The following ITGA6 variants were observed in gnomAD, a reference collection of about 807,000 sequenced individuals.
ITGA6 encodes integrin alpha-6.
A neutral mutation model predicts 133.6 loss-of-function variants in ITGA6; 63 were observed. That is an observed-to-expected ratio of 0.47 (90% CI 0.38 to 0.58). The LOEUF (loss-of-function observed/expected upper bound fraction) is 0.58. Ranked by LOEUF, ITGA6 falls within the 20% of genes least tolerant of loss-of-function variation. The probability of loss-of-function intolerance (pLI) is 0.00; values close to 1 mark genes in which losing one functional copy is unlikely to be tolerated. For synonymous variants in ITGA6, 434 were observed against 482.0 expected (o/e 0.90, Z 1.30); for missense variants, 1,068 against 1,309.4 (o/e 0.82, Z 2.85).
At chr2:172,443,916 T>A (rs147431131) in intron 1 of ITGA6, among the ~76,000 whole-genome samples, 93 of 152,200 alleles carry the variant, frequency 6.1e-4, no homozygotes, top group Middle Eastern at 6.8e-3. Context: ...CTGGGACTAC[T>A]GGCATGCACT....
At chr2:172,484,461 T>C (rs1686580524) in intron 11 of ITGA6, among the ~76,000 whole-genome samples, 1 of 152,232 alleles carries the variant, frequency 6.6e-6, no homozygotes, top group Non-Finnish European at 1.5e-5. Flanking sequence ...TGCTTATCGT[T>C]AGTATTCTGT....
intron 1 of ITGA6, among the ~76,000 whole-genome samples, chr2:172,443,175 C>G (rs1176189019): frequency 6.6e-6 from 1 of 152,082 alleles, no homozygotes; most frequent in African/African-American, 2.4e-5. Context: ...TTTTTTTACC[C>G]ATTTGCCATG....
At chr2:172,472,929 TGTG>T in intron 5 of ITGA6, 1 of 1,338,732 alleles carries the variant, frequency 7.5e-7, no homozygotes, top group Non-Finnish European at 1.1e-6. Flanking sequence ...TTGTCTTGGT[TGTG>T]GTCATTAAAT....
rs774970852 is a variant in ITGA6 at position 172,471,047 on chromosome 2, T to C, written c.717T>C (p.Val239=). The C allele has an allele frequency of 1.2e-6, 2 of 1,614,196 alleles. No homozygotes were observed. The highest frequency in any genetic ancestry group is 2.2e-5 in the East Asian group (1 of 44,892). The change falls in exon 5 of 26, where the codon GTT becomes GTC. Residue 239 remains valine (V), a synonymous_variant. Coordinates refer to ENST00000684293, the MANE Select transcript of ITGA6 (RefSeq NM_000210.4). ...MNIFEDGPYE[V]GGETEHDESL... is the part of the protein sequence containing the mutation. Reference sequence around the variant, plus strand: ...TCTTTGAAGATGGGCCTTATGAAGTTGGTGGAGAGACTGAGCATGATGAAA... The same window carrying C: ...TCTTTGAAGATGGGCCTTATGAAGTCGGTGGAGAGACTGAGCATGATGAAA...
intron 13 of ITGA6, among the ~76,000 whole-genome samples, chr2:172,485,514 A>G (rs1255306303): frequency 2.0e-5 from 3 of 152,200 alleles, no homozygotes; most frequent in Non-Finnish European, 4.4e-5. Context: ...ACCTATCGAG[A>G]CTATAAATGG....
intron 19 of ITGA6, 89 bp downstream of exon 19, chr2:172,488,317 ATAT>A (rs1686779187): frequency 1.1e-6 from 1 of 879,658 alleles, no homozygotes; most frequent in Non-Finnish European, 1.9e-6. Context: ...TAAATCAGCA[ATAT>A]TAATAAGCAT....
At chr2:172,434,206 A>G (rs1684223693) in intron 1 of ITGA6, among the ~76,000 whole-genome samples, 1 of 152,214 alleles carries the variant, frequency 6.6e-6, no homozygotes, top group South Asian at 2.1e-4. Flanking sequence ...ATATGGAAGT[A>G]GTGTTTCCTT....
intron 5 of ITGA6, 81 bp from the exon 6 acceptor site, chr2:172,473,974 A>C (rs1686053655): frequency 1.1e-6 from 1 of 904,382 alleles, no homozygotes; most frequent in Non-Finnish European, 1.8e-6. Context: ...CCAGAGGAAG[A>C]GGTAATGATG....
chr2:172,467,098 G>T (rs1419673279), intron 2 of ITGA6, among the ~76,000 whole-genome samples: 1 of 152,070 alleles, frequency 6.6e-6, no homozygotes, highest in African/African-American at 2.4e-5. Context: ...TTGTTAGTTT[G>T]GATGGTAGCT....
At chr2:172,451,897 G>A (rs1685018539) in intron 1 of ITGA6, among the ~76,000 whole-genome samples, 1 of 151,824 alleles carries the variant, frequency 6.6e-6, no homozygotes, top group African/African-American at 2.4e-5. Context: ...GAGTGGTGGT[G>A]TACTGTTCTA....
intron 11 of ITGA6, among the ~76,000 whole-genome samples, chr2:172,482,142 C>T (rs1351172732): frequency 2.0e-5 from 3 of 152,198 alleles, no homozygotes; most frequent in Non-Finnish European, 4.4e-5. Context: ...AGACTTTCTC[C>T]TAGCTGTAGC....
chr2:172,473,521 G>T lies in ITGA6; in HGVS notation c.776-534G>T, dbSNP rs16860500. On this transcript the variant is annotated intron_variant, in intron 5 of 25. Coordinates refer to ENST00000684293, the MANE Select transcript of ITGA6 (RefSeq NM_000210.4). ...ATTAATGATGTTAGCATTTGTTTTTGTCTGATTACCAAAGAGTTGATGCCT... is the reference window on the plus strand; with the variant it reads ...ATTAATGATGTTAGCATTTGTTTTTTTCTGATTACCAAAGAGTTGATGCCT... 5.1e-3 allele frequency among the ~76,000 whole-genome samples: 784 copies of T among 152,276 alleles called. 6 individuals are homozygous for T. The highest frequency in any genetic ancestry group is 0.018 in the African/African-American group (756 of 41,562).
intron 24 of ITGA6, among the ~76,000 whole-genome samples, chr2:172,500,322 A>G (rs1438769452): frequency 1.3e-5 from 2 of 151,930 alleles, no homozygotes; most frequent in African/African-American, 4.8e-5. Flanking sequence ...GGATATTAAG[A>G]ATGTTGCTGG....
chr2:172,498,723 C>T (rs41383947), intron 24 of ITGA6, among the ~76,000 whole-genome samples: 2,354 of 152,246 alleles, frequency 0.015, 53 homozygotes, highest in African/African-American at 0.053. Flanking sequence ...TGAAAAACTG[C>T]GTATGAGATG....
chr2:172,487,467 G>C lies in ITGA6; in HGVS notation c.2160+14G>C, dbSNP rs375752422. The stretch of plus-strand genomic sequence containing the variant: ...AGGGCTTTCCCTGTAAGTATTGTTA[G>C]AGACCAGCTGAGAGGGGAAAAAAAT... On this transcript the variant is annotated intron_variant, in intron 15 of 25. Transcript: ENST00000684293. 1.9e-6 allele frequency: 3 copies of C among 1,612,516 alleles called. No homozygotes were observed. The highest frequency in any genetic ancestry group is 2.5e-6 in the Non-Finnish European group (3 of 1,178,556).
chr2:172,451,261 T>C (rs538459809), intron 1 of ITGA6, among the ~76,000 whole-genome samples: 4 of 151,434 alleles, frequency 2.6e-5, no homozygotes, highest in Admixed American at 2.6e-4. Flanking sequence ...GGTCAGGAGT[T>C]CAAGACAAGA....
chr2:172,476,572 T>C, intron 9 of ITGA6, 59 bp downstream of exon 9: 1 of 1,017,006 alleles, frequency 9.8e-7, no homozygotes, highest in East Asian at 2.4e-5. Flanking sequence ...TACTAAAATG[T>C]TGACCTTTTG....
At chr2:172,463,651 C>T (rs2149033302) in intron 1 of ITGA6, among the ~76,000 whole-genome samples, 1 of 152,240 alleles carries the variant, frequency 6.6e-6, no homozygotes, top group East Asian at 1.9e-4. Context: ...AATTAAGCTC[C>T]TCAAGGCCTC....
chr2:172,474,052 T>G lies in ITGA6; in HGVS notation c.776-3T>G. ...AGGGGCTCTATATATTTTGTTTTTCTAGGTTTTTCTTTGGACTCAGGGAAA... is the reference window on the plus strand; with the variant it reads ...AGGGGCTCTATATATTTTGTTTTTCGAGGTTTTTCTTTGGACTCAGGGAAA... On this transcript the variant is annotated splice_region_variant and splice_polypyrimidine_tract_variant and intron_variant, in intron 5 of 25. Transcript: ENST00000684293. The G allele has an allele frequency of 6.2e-7, 1 of 1,610,212 alleles. No individual in the cohort carries two copies. The highest frequency in any genetic ancestry group is 2.1e-4 in the Middle Eastern group (1 of 4,872).
Sources: allele counts gnomAD v4.1 joint callset (sites outside exome capture counted in the v4.1 genomes callset), GRCh38; gene constraint gnomAD v4.1.1; transcripts MANE v1.5; gene names NCBI Gene and HGNC (gene_info 2026-07-23, HGNC 2026-07-21).